Variants in ZNF790 observed in about 807,000 individuals in gnomAD.
ZNF790 encodes zinc finger protein 790.
A neutral mutation model predicts 12.1 loss-of-function variants in ZNF790; 8 were observed. The observed-to-expected ratio is 0.66, with a 90% CI of 0.39 to 1.19. ZNF790 has a LOEUF of 1.19. Ranked by LOEUF, ZNF790 falls within the 50% of genes most tolerant of loss-of-function variation. ZNF790 has a pLI of 0.01. For missense variants in ZNF790, 707 were observed against 752.2 expected (o/e 0.94, Z 0.70); for synonymous variants, 252 against 244.3 (o/e 1.03, Z -0.29).
chr19:36,830,000 T>G (rs1208764905), intron 1 of ZNF790, among the ~76,000 whole-genome samples: 1 of 152,224 alleles, frequency 6.6e-6, no homozygotes, highest in Non-Finnish European at 1.5e-5. Context: ...ATAGAGATGC[T>G]CTTAGCTGTG....
chr19:36,842,848 A>T (rs1355577623), upstream of ZNF790, among the ~76,000 whole-genome samples: 1 of 152,050 alleles, frequency 6.6e-6, no homozygotes, highest in Non-Finnish European at 1.5e-5. Context: ...TACTAAAAAT[A>T]CAAAAAATTA....
intron 1 of ZNF790, among the ~76,000 whole-genome samples, chr19:36,835,685 C>G (rs1433415690): frequency 6.6e-6 from 1 of 152,002 alleles, no homozygotes; most frequent in African/African-American, 2.4e-5. Context: ...AGGCTAAAAT[C>G]AAGGTGTTGG....
chr19:36,819,050 T>A lies in ZNF790; in HGVS notation c.1294A>T (p.Thr432Ser), dbSNP rs567041930. 6.2e-6 allele frequency: 10 copies of A among 1,614,074 alleles called. No individual in the cohort carries two copies. In the Admixed American group the frequency reaches 1.7e-4, roughly 27 times the overall value. Residue 432 changes from threonine (T) to serine (S), a missense_variant, in exon 5 of 5, where the codon ACT (threonine) becomes TCT (serine). Transcript: ENST00000356725. ...YECKQCGKTF[T>S]WASYLAQHEK... is the part of the protein sequence containing the mutation. ...TGTTGAGCAAGATACGAAGCCCAAG[T>A]AAAAGTCTTCCCGCATTGCTTACAT...
chr19:36,841,951 C>T (rs969894072), upstream of ZNF790, among the ~76,000 whole-genome samples: 3 of 151,856 alleles, frequency 2.0e-5, no homozygotes, highest in East Asian at 1.9e-4. Flanking sequence ...TGGCCTGAAG[C>T]GCCCCTCCCG....
intron 1 of ZNF790, among the ~76,000 whole-genome samples, chr19:36,832,575 G>T (rs1438060350): frequency 6.6e-6 from 1 of 152,122 alleles, no homozygotes; most frequent in Non-Finnish European, 1.5e-5. Flanking sequence ...CACGTTGGAA[G>T]GTGATCCTCT....
chr19:36,817,630 G>A lies in ZNF790; in HGVS notation c.*803C>T, dbSNP rs2071577691. 6.7e-6 allele frequency: 1 copy of A among 148,420 alleles called. No homozygotes were observed. The highest frequency in any genetic ancestry group is 1.5e-5 in the Non-Finnish European group (1 of 67,350). The allele number at this position is 148,420 out of a possible 1,614,324, so 9.2% of individuals were successfully genotyped here. On this transcript the variant is annotated 3_prime_UTR_variant, in exon 5 of 5. Coordinates refer to ENST00000356725, the MANE Select transcript of ZNF790 (RefSeq NM_206894.4). Reference sequence around the variant, plus strand: ...TCAACCCTTATAATCTAATGAATACGATTAAACAGACATAGATTTAAGATA... The same window carrying A: ...TCAACCCTTATAATCTAATGAATACAATTAAACAGACATAGATTTAAGATA...
chr19:36,830,039 T>C (rs966848202), intron 1 of ZNF790, among the ~76,000 whole-genome samples: 5 of 152,192 alleles, frequency 3.3e-5, no homozygotes, highest in Non-Finnish European at 7.3e-5. Context: ...TGTCTTTTAT[T>C]TCTTTTACTT....
intron 1 of ZNF790, among the ~76,000 whole-genome samples, chr19:36,831,465 C>T (rs772656664): frequency 2.0e-5 from 3 of 152,124 alleles, no homozygotes; most frequent in Non-Finnish European, 4.4e-5. Flanking sequence ...GCCTGTGGTC[C>T]CAGCTACTTG....
At chr19:36,830,877 C>A (rs1435153718) in intron 1 of ZNF790, among the ~76,000 whole-genome samples, 2 of 152,292 alleles carry the variant, frequency 1.3e-5, no homozygotes, top group East Asian at 3.9e-4. Context: ...CAGTGGCTCA[C>A]GCCTGTAATC....
rs1480494307 is a variant in ZNF790, at chr19:36,818,212, AC to A, written c.*220del. The A allele has an allele frequency of 2.3e-5, 8 of 351,220 alleles. No homozygotes were observed. The highest frequency in any genetic ancestry group is 6.6e-4 in the Middle Eastern group (1 of 1,510). 21.8% of individuals were successfully genotyped at this position (351,220 alleles called of 1,614,324 possible). Reference sequence around the variant, plus strand: ...AATTCATGCTATCTCATAAAATTTTACCCTGATATTCTGCAATTGATAACTG... The same window carrying A: ...AATTCATGCTATCTCATAAAATTTTACCTGATATTCTGCAATTGATAACTG... On this transcript the variant is annotated 3_prime_UTR_variant, in exon 5 of 5. Transcript: ENST00000356725.
At chr19:36,821,501 CAGT>C (rs1219640388) in intron 4 of ZNF790, among the ~76,000 whole-genome samples, 1 of 152,144 alleles carries the variant, frequency 6.6e-6, no homozygotes, top group Non-Finnish European at 1.5e-5. Flanking sequence ...GTTGAATAAT[CAGT>C]AGCTGATGAT....
chr19:36,844,828 C>T (rs542437472), intron 1 of ZNF790, among the ~76,000 whole-genome samples: 47 of 151,080 alleles, frequency 3.1e-4, no homozygotes, highest in African/African-American at 1.1e-3. Context: ...GCGGGCGGAT[C>T]ACGAGGTCAG....
intron 4 of ZNF790, among the ~76,000 whole-genome samples, chr19:36,820,871 G>A (rs1238213246): frequency 2.0e-5 from 3 of 151,520 alleles, no homozygotes; most frequent in Non-Finnish European, 4.4e-5. Context: ...CTCCAGCATG[G>A]GTGACAGAGT....
At chr19:36,820,961 A>G (rs1200822766) in intron 4 of ZNF790, among the ~76,000 whole-genome samples, 2 of 147,478 alleles carry the variant, frequency 1.4e-5, no homozygotes, top group Non-Finnish European at 3.0e-5. Context: ...AGTTAGTTAC[A>G]TATGTATACA....
chr19:36,828,245 C>G (rs190068339), intron 1 of ZNF790: 1 of 152,154 alleles, frequency 6.6e-6, no homozygotes, highest in African/African-American at 2.4e-5. Context: ...AGGCGGATCA[C>G]CTGAGGTCGG....
chr19:36,843,596 AT>A lies in ZNF790; in HGVS notation c.-74+6405del, dbSNP rs79113117. On this transcript the variant is annotated intron_variant, in intron 1 of 4. Transcript: ENST00000528994. ...ATCTGCCCAGTAAAGGAAAGGATGA[AT>A]TCTCTAAAGGAAGATATTATCTGCA... Among the ~76,000 whole-genome samples the A allele has an allele frequency of 5.3e-3, 803 of 152,328 alleles. 22 individuals are homozygous for A. The highest frequency in any genetic ancestry group is 0.038 in the Admixed American group (589 of 15,306).
chr19:36,843,599 C>A (rs1314784806), intron 1 of ZNF790, among the ~76,000 whole-genome samples: 1 of 152,168 alleles, frequency 6.6e-6, no homozygotes, highest in African/African-American at 2.4e-5. Flanking sequence ...AGGATGAATT[C>A]TCTAAAGGAA....
rs377512761 is a variant in ZNF790, at chr19:36,819,104, G to A, written c.1240C>T (p.Arg414Ter). Residue 414 changes from arginine to a stop codon, truncating the protein, a stop_gained, in exon 5 of 5, where the codon CGA becomes TGA. Transcript: ENST00000356725. LOFTEE classifies it low-confidence loss of function (END_TRUNC). ...TAAGGTTTCCTGCCAGTATGAATTC[G>A]CTGATGTCGAGCAAGGTGTGAGCTC... ...IWSSHLARHQRIHTGRKPYEC... is the reference protein window; with the variant it reads ...IWSSHLARHQ 5.6e-6 allele frequency: 9 copies of A among 1,613,012 alleles called. No homozygotes were observed. The highest frequency in any genetic ancestry group is 1.1e-5 in the South Asian group (1 of 91,024).
chr19:36,832,806 T>C (rs2071967819), intron 1 of ZNF790, among the ~76,000 whole-genome samples: 1 of 152,128 alleles, frequency 6.6e-6, no homozygotes, highest in Non-Finnish European at 1.5e-5. Flanking sequence ...GAAAATAGAC[T>C]AGCTCATTGA....
Sources: allele counts gnomAD v4.1 joint callset (sites outside exome capture counted in the v4.1 genomes callset), GRCh38; gene constraint gnomAD v4.1.1; transcripts MANE v1.5; gene names NCBI Gene and HGNC (gene_info 2026-07-23, HGNC 2026-07-21).